Variants in TCEANC2 observed in about 807,000 individuals in gnomAD.
TCEANC2 encodes the protein transcription elongation factor A N-terminal and central domain-containing protein 2.
In TCEANC2, 20 loss-of-function variants were observed where a neutral mutation model predicts 22.8. That is an observed-to-expected ratio of 0.88 (90% CI 0.62 to 1.28). TCEANC2 has a LOEUF of 1.28. Ranked by LOEUF, TCEANC2 falls within the 50% of genes most tolerant of loss-of-function variation. The pLI is 0.00. For synonymous variants in TCEANC2, 84 were observed against 95.5 expected (o/e 0.88, Z 0.70); for missense variants, 251 against 249.7 (o/e 1.01, Z -0.03).
chr1:54,054,497 C>T lies in TCEANC2; in HGVS notation c.75C>T (p.Tyr25=), dbSNP rs1235769683. Residue 25 remains tyrosine, a synonymous_variant, in exon 2 of 5, where the codon TAC becomes TAT. Coordinates refer to ENST00000234827, the MANE Select transcript of TCEANC2 (RefSeq NM_153035.3). ...PQKKDSGGKV[Y]KQATIESLKR... ...AGAAAGATTCTGGAGGAAAGGTTTA[C>T]AAGCAGGCCACGATTGAATCTCTGA... 1 of 1,613,712 alleles carries T rather than the reference C, an allele frequency of 6.2e-7. No homozygotes were observed. The highest frequency in any genetic ancestry group is 1.1e-5 in the South Asian group (1 of 91,028).
chr1:54,064,679 T>C (rs1657915177), intron 2 of TCEANC2, among the ~76,000 whole-genome samples: 1 of 149,974 alleles, frequency 6.7e-6, no homozygotes, highest in Admixed American at 6.7e-5. Context: ...GTTTTGTTGG[T>C]TGTGCATTTT....
chr1:54,056,614 G>A (rs1199412738), intron 2 of TCEANC2, among the ~76,000 whole-genome samples: 1 of 151,760 alleles, frequency 6.6e-6, no homozygotes, highest in African/African-American at 2.4e-5. Context: ...CGTGAGCCAC[G>A]GCACCTGGCC....
rs1201023222 is a variant in TCEANC2 at position 54,104,485 on chromosome 1, A to G, written c.*8012A>G. 1.3e-5 allele frequency: 5 copies of G among 397,316 alleles called. No homozygotes were observed. Among genetic ancestry groups the G allele is most frequent in the East Asian group, 1.5e-4 (2 of 13,690 alleles). 24.6% of individuals were successfully genotyped at this position (397,316 alleles called of 1,614,324 possible). A position where few individuals can be genotyped will look rare whatever the true frequency, so the allele number is the denominator to read the frequency against. On this transcript the variant is annotated 3_prime_UTR_variant, in exon 5 of 5. Coordinates refer to ENST00000234827, the MANE Select transcript of TCEANC2 (RefSeq NM_153035.3). ...GTTAAGCAATGGAGGGAAGGGAGGT[A>G]TATCTTTGGTACTCAGTTGATTCAC...
chr1:54,086,250 G>A (rs1186434901), intron 3 of TCEANC2, among the ~76,000 whole-genome samples: 2 of 152,168 alleles, frequency 1.3e-5, no homozygotes, highest in East Asian at 1.9e-4. Context: ...AAGGTTAGGG[G>A]ATTTCTTGCA....
chr1:54,076,222 G>A (rs1247784552), intron 3 of TCEANC2, among the ~76,000 whole-genome samples: 5 of 152,138 alleles, frequency 3.3e-5, no homozygotes, highest in Admixed American at 6.6e-5. Context: ...GTACCCAATA[G>A]TTGTGTTTTC....
In TCEANC2 at chr1:54,096,949, T is replaced by C. The variant is rs1658570237; in HGVS notation, c.*476T>C. The C allele has an allele frequency of 4.1e-6, 4 of 986,318 alleles. No homozygotes were observed. Among genetic ancestry groups the C allele is most frequent in the Non-Finnish European group, 4.8e-6 (4 of 830,296 alleles). 61.1% of individuals were successfully genotyped at this position (986,318 alleles called of 1,614,324 possible). ...TCCCCTGTCTGTTCTCTTTGCTCTATCCCAGGGGTGAGCCTGCGAGAGCCA... is the reference window on the plus strand; with the variant it reads ...TCCCCTGTCTGTTCTCTTTGCTCTACCCCAGGGGTGAGCCTGCGAGAGCCA... On this transcript the variant is annotated 3_prime_UTR_variant, in exon 5 of 5. Coordinates refer to ENST00000234827, the MANE Select transcript of TCEANC2 (RefSeq NM_153035.3). This position sits in a 1 kb window ranked among gnomAD's most constrained non-coding sequence, Gnocchi z 4.9.
At chr1:54,058,295 G>T (rs1657790152) in intron 2 of TCEANC2, among the ~76,000 whole-genome samples, 1 of 152,120 alleles carries the variant, frequency 6.6e-6, no homozygotes, top group African/African-American at 2.4e-5. Context: ...TTTTGTCCCT[G>T]AGACGCAGAG....
intron 2 of TCEANC2, among the ~76,000 whole-genome samples, chr1:54,055,847 C>G (rs919087609): frequency 6.6e-6 from 1 of 152,214 alleles, no homozygotes; most frequent in Non-Finnish European, 1.5e-5. Flanking sequence ...TCTAAGACCT[C>G]AGTTTCCTCA....
Position 54,104,334 on chromosome 1 carries a change from A to G in TCEANC2, c.*7861A>G, listed in dbSNP as rs764949646. On this transcript the variant is annotated 3_prime_UTR_variant, in exon 5 of 5. Transcript: ENST00000234827. ...CACTAAAAGAAACATCAAGATTACT[A>G]TGAACTATTAGCTGTGACTGCACCC... The G allele has an allele frequency of 1.5e-5, 3 of 203,856 alleles. No individual in the cohort carries two copies. Among genetic ancestry groups the G allele is most frequent in the Non-Finnish European group, 3.1e-5 (3 of 95,712 alleles). 12.6% of individuals were successfully genotyped at this position (203,856 alleles called of 1,614,324 possible). A position where few individuals can be genotyped will look rare whatever the true frequency, so the allele number is the denominator to read the frequency against.
intron 3 of TCEANC2, among the ~76,000 whole-genome samples, chr1:54,088,225 A>G (rs1365991123): frequency 1.1e-4 from 16 of 152,326 alleles, no homozygotes. Flanking sequence ...TAATATTCCC[A>G]TAATAACTAG....
At chr1:54,082,259 G>A (rs547699326) in intron 3 of TCEANC2, among the ~76,000 whole-genome samples, 52 of 152,290 alleles carry the variant, frequency 3.4e-4, no homozygotes, top group Non-Finnish European at 6.3e-4. Flanking sequence ...CTCAGCAGTG[G>A]ATAAGAATTA....
chr1:54,056,011 C>T (rs897076237), intron 2 of TCEANC2, among the ~76,000 whole-genome samples: 2 of 152,212 alleles, frequency 1.3e-5, no homozygotes. Flanking sequence ...AATGGCACCT[C>T]CCATTCTGAT....
chr1:54,058,208 T>A (rs568361030), intron 2 of TCEANC2, among the ~76,000 whole-genome samples: 1 of 152,350 alleles, frequency 6.6e-6, no homozygotes, highest in Admixed American at 6.5e-5. Flanking sequence ...ATTGTTATTA[T>A]CATTACTTTA....
At chr1:54,109,200 C>T (rs1230913098), downstream of TCEANC2, among the ~76,000 whole-genome samples, 1 of 152,172 alleles carries the variant, frequency 6.6e-6, no homozygotes, top group African/African-American at 2.4e-5. Context: ...AAAGGTTTAG[C>T]AGAAATGCTG....
intron 3 of TCEANC2, among the ~76,000 whole-genome samples, chr1:54,075,928 C>A (rs915829161): frequency 6.6e-6 from 1 of 151,322 alleles, no homozygotes; most frequent in African/African-American, 2.4e-5. Flanking sequence ...GCAGGAGAAC[C>A]CGGGAAGCTG....
chr1:54,091,579 A>C (rs1259069431), intron 4 of TCEANC2, among the ~76,000 whole-genome samples: 1 of 152,246 alleles, frequency 6.6e-6, no homozygotes, highest in African/African-American at 2.4e-5. Flanking sequence ...TAGATGAAGA[A>C]TAATAACGCA....
chr1:54,071,289 T>C (rs1414346935), intron 3 of TCEANC2, among the ~76,000 whole-genome samples: 1 of 152,180 alleles, frequency 6.6e-6, no homozygotes, highest in Non-Finnish European at 1.5e-5. Flanking sequence ...AAGTTGAGAA[T>C]CCAGGAGCAG....
Position 54,061,795 on chromosome 1 carries a change from T to C in TCEANC2, c.103-6961T>C, listed in dbSNP as rs78182575. The stretch of plus-strand genomic sequence containing the variant: ...GTTTCTGAATGCCAAACTGAAGAGG[T>C]ATAAAAATCTTGGAATATTAGGACC... On this transcript the variant is annotated intron_variant, in intron 2 of 4. Transcript: ENST00000234827. Among the ~76,000 whole-genome samples the C allele has an allele frequency of 5.3e-3, 798 of 151,876 alleles. 6 individuals are homozygous for C. Among genetic ancestry groups the C allele is most frequent in the African/African-American group, 0.018 (734 of 41,394 alleles).
At chr1:54,110,040 G>T (rs930580153), downstream of TCEANC2, among the ~76,000 whole-genome samples, 1 of 152,132 alleles carries the variant, frequency 6.6e-6, no homozygotes, top group Non-Finnish European at 1.5e-5. Flanking sequence ...TGTTAGAGGG[G>T]AATCAAAATC....
Sources: gnomAD v4.1 joint callset for allele counts (sites outside exome capture counted in the v4.1 genomes callset) on GRCh38, gnomAD v4.1.1 for gene constraint, Gnocchi (gnomAD v3.1) non-coding constraint, MANE v1.5 for transcripts, NCBI Gene and HGNC (gene_info 2026-07-23, HGNC 2026-07-21) for gene names.